The following FUBP3 variants were observed in gnomAD, a reference collection of about 807,000 sequenced individuals.
FUBP3 encodes the protein far upstream element binding protein 3.
In FUBP3, 28 loss-of-function variants were observed where a neutral mutation model predicts 85.6. The observed-to-expected ratio is 0.33, with a 90% CI of 0.24 to 0.45. The LOEUF (loss-of-function observed/expected upper bound fraction) is 0.45, where lower values mean the gene tolerates loss of function less well. FUBP3 is among the 20% of genes least tolerant of loss of function. The pLI is 1.00. For synonymous variants in FUBP3, 271 were observed against 271.4 expected (o/e 1.00, Z 0.01); for missense variants, 583 against 755.1 (o/e 0.77, Z 2.67).
intron 5 of FUBP3, among the ~76,000 whole-genome samples, chr9:130,613,714 T>A (rs540350931): frequency 1.2e-3 from 184 of 152,176 alleles, no homozygotes; most frequent in African/African-American, 4.3e-3. Flanking sequence ...TTCTCTTTCA[T>A]TTTTTTTGAG....
chr9:130,614,440 C>T, intron 6 of FUBP3, 95 bp downstream of exon 6: 1 of 772,632 alleles, frequency 1.3e-6, no homozygotes, highest in Non-Finnish European at 2.2e-6. Context: ...AACACTGAGT[C>T]TGTGCTGCAG....
At chr9:130,607,590 A>G (rs1831524108) in intron 2 of FUBP3, among the ~76,000 whole-genome samples, 2 of 152,084 alleles carry the variant, frequency 1.3e-5, no homozygotes, top group Admixed American at 6.5e-5. Flanking sequence ...CTGCCTCCTT[A>G]GTGTGACCCC....
At position 130,630,641 on chromosome 9, in the gene FUBP3, C is replaced by T; in HGVS notation, c.1131C>T (p.Ile377=). The change falls in exon 13 of 19, where the codon ATC becomes ATT. Residue 377 remains isoleucine, a synonymous_variant. Coordinates refer to ENST00000319725, the MANE Select transcript of FUBP3 (RefSeq NM_003934.2). The part of the protein sequence containing the change: ...GLVIGKGGEN[I]KSINQQSGAH... ...TGCTGTCCGCAGGGGGTGAGAACAT[C>T]AAAAGCATCAACCAGCAGTCAGGGG... 1 of 1,597,134 alleles carries T rather than the reference C, an allele frequency of 6.3e-7. No homozygotes were observed. Among genetic ancestry groups the T allele is most frequent in the Non-Finnish European group, 8.5e-7 (1 of 1,172,222 alleles).
chr9:130,590,463 C>A (rs990185274), intron 1 of FUBP3, among the ~76,000 whole-genome samples: 1 of 152,188 alleles, frequency 6.6e-6, no homozygotes, highest in African/African-American at 2.4e-5. Context: ...CTTAAAATAG[C>A]ATGGGTAGTG....
At chr9:130,614,448 C>A in intron 6 of FUBP3, 103 bp downstream of exon 6, 1 of 704,392 alleles carries the variant, frequency 1.4e-6, no homozygotes, top group Non-Finnish European at 2.5e-6. Context: ...GTCTGTGCTG[C>A]AGTCTGGCCA....
chr9:130,635,986 C>T lies in FUBP3; in HGVS notation c.1583-13C>T. On this transcript the variant is annotated splice_polypyrimidine_tract_variant and intron_variant, in intron 17 of 18. Coordinates refer to ENST00000319725, the MANE Select transcript of FUBP3 (RefSeq NM_003934.2). This position sits in a 1 kb window ranked among gnomAD's most constrained non-coding sequence, Gnocchi z 4.3. ...CGCTCCCGATAACCTGTGTTTCCTC[C>T]TTTGTCAACCAGGTCACGCCGCCAG... is the stretch of plus-strand genomic sequence containing the variant. 6.2e-7 allele frequency: 1 copy of T among 1,612,992 alleles called. No homozygotes were observed. The highest frequency in any genetic ancestry group is 8.5e-7 in the Non-Finnish European group (1 of 1,179,584).
intron 9 of FUBP3, 31 bp downstream of exon 9, chr9:130,620,489 T>C: frequency 9.1e-7 from 1 of 1,104,884 alleles, no homozygotes; most frequent in Non-Finnish European, 1.4e-6. Context: ...AGTAGGCAAA[T>C]GAGATGAGGA....
chr9:130,584,838 C>T lies in FUBP3; in HGVS notation c.84+5074C>T, dbSNP rs562860861. ...GAGCCGGGATGGTGCCACTGCACTC[C>T]AGCCTGGGCAACAGAGCAAGCCTCC... On this transcript the variant is annotated intron_variant, in intron 1 of 18. Coordinates refer to ENST00000319725, the MANE Select transcript of FUBP3 (RefSeq NM_003934.2). Among the ~76,000 whole-genome samples, 218 of 152,008 alleles carry T rather than the reference C, an allele frequency of 1.4e-3. 1 individual carries two copies. The highest frequency in any genetic ancestry group is 5.0e-3 in the African/African-American group (208 of 41,448).
intron 2 of FUBP3, 141 bp from the exon 3 acceptor site, chr9:130,609,813 C>A: frequency 1.5e-6 from 1 of 681,172 alleles, no homozygotes; most frequent in South Asian, 1.7e-5. Context: ...GCATTCATTT[C>A]AGCCACTGAG....
At position 130,595,574 on chromosome 9, in the gene FUBP3, C is replaced by T. The variant is rs774499750; in HGVS notation, c.176C>T (p.Pro59Leu). The change falls in exon 2 of 19, where the codon CCC becomes CTC. Residue 59 changes from proline to leucine, a missense_variant. By Grantham distance (98) the Pro-to-Leu change is moderately conservative. Coordinates refer to ENST00000319725, the MANE Select transcript of FUBP3 (RefSeq NM_003934.2). ...TATGGATACGGAGTACAAAAACGGC[C>T]CTTGGATGATGGAGGTAAGTTGCCA... ...SVYGYGVQKR[P>L]LDDGVGNQLG... The T allele has an allele frequency of 4.0e-6, 6 of 1,503,402 alleles. No homozygotes were observed. Among genetic ancestry groups the T allele is most frequent in the African/African-American group, 1.4e-5 (1 of 72,730 alleles). The allele number at this position is 1,503,402 out of a possible 1,614,324, so 93.1% of individuals were successfully genotyped here. A position where few individuals can be genotyped will look rare whatever the true frequency, so the allele number is the denominator to read the frequency against.
intron 9 of FUBP3, among the ~76,000 whole-genome samples, chr9:130,621,493 A>C (rs138477688): frequency 6.6e-6 from 1 of 152,360 alleles, no homozygotes; most frequent in East Asian, 1.9e-4. Flanking sequence ...CCCAGGTAAC[A>C]GTGTGTATGG....
At chr9:130,597,478 C>T (rs551844284) in intron 2 of FUBP3, among the ~76,000 whole-genome samples, 1 of 152,332 alleles carries the variant, frequency 6.6e-6, no homozygotes, top group South Asian at 2.1e-4. Flanking sequence ...AGAATTCCGG[C>T]CGCTTGGTCT....
intron 1 of FUBP3, among the ~76,000 whole-genome samples, chr9:130,586,171 T>C (rs892393840): frequency 6.6e-6 from 1 of 152,182 alleles, no homozygotes; most frequent in Non-Finnish European, 1.5e-5. Flanking sequence ...TTTATTCTAA[T>C]ACCAGATGGT....
chr9:130,583,068 G>A (rs1430087622), intron 1 of FUBP3, among the ~76,000 whole-genome samples: 2 of 152,166 alleles, frequency 1.3e-5, no homozygotes, highest in Non-Finnish European at 2.9e-5. Flanking sequence ...CATAGAGTTC[G>A]TTCGGCATCA....
chr9:130,618,101 A>G (rs997616278), intron 8 of FUBP3, among the ~76,000 whole-genome samples: 5 of 152,180 alleles, frequency 3.3e-5, no homozygotes, highest in Non-Finnish European at 1.5e-5. Flanking sequence ...GGCTATTTAA[A>G]TTCACTCAGA....
chr9:130,615,402 G>A (rs1434621743), intron 6 of FUBP3, among the ~76,000 whole-genome samples: 1 of 152,336 alleles, frequency 6.6e-6, no homozygotes, highest in East Asian at 1.9e-4. Flanking sequence ...AAGGAGCAGA[G>A]GCAGTGGGAT....
At chr9:130,585,033 A>G (rs1390996884) in intron 1 of FUBP3, among the ~76,000 whole-genome samples, 2 of 151,016 alleles carry the variant, frequency 1.3e-5, no homozygotes, top group Non-Finnish European at 3.0e-5. Context: ...GGTGGCACGC[A>G]CCTGTAATCC....
At chr9:130,579,813 T>C in intron 1 of FUBP3, 49 bp downstream of exon 1, 1 of 1,050,328 alleles carries the variant, frequency 9.5e-7, no homozygotes, top group Non-Finnish European at 1.2e-6. Context: ...AGGCGGGGCC[T>C]GGCGGGCGGG....
rs778091949 is a variant in FUBP3, at chr9:130,616,326, T to G, written c.405-29T>G. ...ACTTAGAGCCTCCATTTAATGCTGG[T>G]TCTCTTGTGGTTCTTTTCCCTCCCA... On this transcript the variant is annotated intron_variant, in intron 6 of 18. Transcript: ENST00000319725. This position sits in a 1 kb window ranked among gnomAD's most constrained non-coding sequence, Gnocchi z 4.7. 1.2e-6 allele frequency: 2 copies of G among 1,612,032 alleles called. No homozygotes were observed. The highest frequency in any genetic ancestry group is 2.2e-5 in the South Asian group (2 of 90,978).
Sources: allele counts gnomAD v4.1 joint callset (sites outside exome capture counted in the v4.1 genomes callset), GRCh38; gene constraint gnomAD v4.1.1; non-coding constraint Gnocchi (gnomAD v3.1); transcripts MANE v1.5; gene names NCBI Gene and HGNC (gene_info 2026-07-23, HGNC 2026-07-21).